The following SAXO5 variants were observed in gnomAD, a reference collection of about 807,000 sequenced individuals.
SAXO5 encodes testis expressed 45.
chr19:7,508,339 C>A, the SAXO5 span: 51 of 1,613,842 alleles, frequency 3.2e-5, no homozygotes, highest in Middle Eastern at 6.6e-4. Flanking sequence ...GGCTTCGTGC[C>A]CCTGGGCACG....
the SAXO5 span, among the ~76,000 whole-genome samples, chr19:7,504,988 CT>C: frequency 0.23 from 30,220 of 133,886 alleles, 2,909 homozygotes; most frequent in Middle Eastern, 0.29. Context: ...TTTTTTTTTT[CT>C]TTTTTTTTTT....
At chr19:7,505,996 C>A in the SAXO5 span, 5 of 1,597,370 alleles carry the variant, frequency 3.1e-6, no homozygotes, top group Non-Finnish European at 8.6e-7. Flanking sequence ...CCAGCCGCCA[C>A]GTGCCTCATG....
the SAXO5 span, among the ~76,000 whole-genome samples, chr19:7,498,453 A>G: frequency 1.4e-5 from 2 of 146,934 alleles, no homozygotes; most frequent in Non-Finnish European, 3.0e-5. Flanking sequence ...CTGGAGTGCA[A>G]TGGCGCAATC....
the SAXO5 span, chr19:7,506,775 T>C: frequency 2.4e-6 from 1 of 416,220 alleles, no homozygotes; most frequent in Non-Finnish European, 4.4e-6. Flanking sequence ...CCAGCTCCTC[T>C]CTCCTCCCCT....
chr19:7,500,136 G>C, the SAXO5 span, among the ~76,000 whole-genome samples: 1 of 152,004 alleles, frequency 6.6e-6, no homozygotes, highest in Non-Finnish European at 1.5e-5. Context: ...ATTATTGTCT[G>C]TCATCTCCCG....
the SAXO5 span, chr19:7,506,583 G>A: frequency 2.9e-6 from 1 of 340,478 alleles, no homozygotes; most frequent in Non-Finnish European, 5.6e-6. Flanking sequence ...GCCTGGCCCT[G>A]CCCACAGACT....
chr19:7,502,403 C>G, the SAXO5 span, among the ~76,000 whole-genome samples: 17 of 152,276 alleles, frequency 1.1e-4, 1 homozygote, highest in East Asian at 3.3e-3. Context: ...AGCCACTGAG[C>G]CCAGCCCTTA....
At chr19:7,498,475 C>T in the SAXO5 span, among the ~76,000 whole-genome samples, 8 of 150,266 alleles carry the variant, frequency 5.3e-5, no homozygotes, top group African/African-American at 7.3e-5. Context: ...TGGCTCACCA[C>T]GACTTCTGCC....
At chr19:7,505,614 C>A in the SAXO5 span, 1 of 1,614,100 alleles carries the variant, frequency 6.2e-7, no homozygotes, top group Non-Finnish European at 8.5e-7. Context: ...TCATGCAGTA[C>A]TTCTACGGCC....
chr19:7,505,243 A>G, the SAXO5 span: 3 of 1,381,568 alleles, frequency 2.2e-6, no homozygotes, highest in East Asian at 6.9e-5. Context: ...TCAGCCTCCC[A>G]AAGTGCTGAG....
At chr19:7,502,184 C>G in the SAXO5 span, among the ~76,000 whole-genome samples, 5 of 152,136 alleles carry the variant, frequency 3.3e-5, no homozygotes, top group African/African-American at 1.2e-4. Flanking sequence ...TCGGCTCACA[C>G]AGACTAAATC....
chr19:7,501,319 G>C, the SAXO5 span: 7 of 1,571,582 alleles, frequency 4.5e-6, no homozygotes, highest in Admixed American at 5.2e-5. Context: ...GACAAGTTGC[G>C]CATCCCGCCC....
the SAXO5 span, among the ~76,000 whole-genome samples, chr19:7,498,403 T>C: frequency 6.8e-5 from 10 of 146,940 alleles, 1 homozygote; most frequent in South Asian, 1.9e-3. Flanking sequence ...CTTTTTTTTT[T>C]TTTTTTTTTT....
chr19:7,505,283 C>T, the SAXO5 span: 1 of 1,597,226 alleles, frequency 6.3e-7, no homozygotes, highest in Non-Finnish European at 8.6e-7. Context: ...ATGCCCAGCC[C>T]ACTTTACCTT....
the SAXO5 span, chr19:7,506,766 C>A: frequency 2.3e-6 from 1 of 440,766 alleles, no homozygotes; most frequent in Non-Finnish European, 4.1e-6. Flanking sequence ...CCCTCTTCCC[C>A]AGCTCCTCTC....
the SAXO5 span, chr19:7,508,246 GCTT>G: frequency 9.9e-6 from 16 of 1,613,908 alleles, no homozygotes; most frequent in Middle Eastern, 1.6e-4. Context: ...GGTGGACTGC[GCTT>G]CTTCTCAACA....
chr19:7,504,072 G>T, the SAXO5 span: 1 of 834,138 alleles, frequency 1.2e-6, no homozygotes, highest in Non-Finnish European at 1.8e-6. Context: ...AGATGGCAGG[G>T]AATCTCAATC....
At chr19:7,506,601 C>G in the SAXO5 span, 1 of 332,308 alleles carries the variant, frequency 3.0e-6, no homozygotes, top group Non-Finnish European at 5.7e-6. Context: ...ACTCATCTGG[C>G]CCGGCCCCGC....
the SAXO5 span, chr19:7,507,045 TG>T: frequency 6.2e-7 from 1 of 1,612,434 alleles, no homozygotes; most frequent in Non-Finnish European, 8.5e-7. Flanking sequence ...CTCCCCAACC[TG>T]AATCTCCAGA....
Sources: allele counts gnomAD v4.1 joint callset (sites outside exome capture counted in the v4.1 genomes callset), GRCh38; gene constraint gnomAD v4.1.1; transcripts MANE v1.5; gene names NCBI Gene and HGNC (gene_info 2026-07-23, HGNC 2026-07-21).